The following SUGCT variants were observed in gnomAD, a reference collection of about 807,000 sequenced individuals.
The protein encoded by SUGCT is succinyl-CoA:glutarate-CoA transferase, also known as succinyl-CoA:glutarate CoA-transferase.
A neutral mutation model predicts 55.0 loss-of-function variants in SUGCT; 41 were observed. The observed-to-expected ratio is 0.74, with a 90% CI of 0.58 to 0.97. The LOEUF (loss-of-function observed/expected upper bound fraction) is 0.97. SUGCT is among the 50% of genes least tolerant of loss of function. The pLI is 0.00. For synonymous variants in SUGCT, 187 were observed against 200.4 expected (o/e 0.93, Z 0.56); for missense variants, 568 against 547.8 (o/e 1.04, Z -0.37).
intron 11 of SUGCT, among the ~76,000 whole-genome samples, chr7:40,484,531 T>A (rs1791228356): frequency 6.6e-6 from 1 of 152,112 alleles, no homozygotes; most frequent in East Asian, 1.9e-4. Context: ...TGTTAATATC[T>A]AATGAGTCTA....
At chr7:40,946,927 T>C in the SUGCT span, among the ~76,000 whole-genome samples, 1 of 152,252 alleles carries the variant, frequency 6.6e-6, no homozygotes. Flanking sequence ...TTGATTGTAA[T>C]GTCTTGATCT....
intron 12 of SUGCT, among the ~76,000 whole-genome samples, chr7:40,609,951 C>T (rs1208565804): frequency 3.3e-5 from 5 of 152,178 alleles, no homozygotes; most frequent in African/African-American, 1.2e-4. Context: ...AGCCACAAAG[C>T]TCAATTCAGT....
At chr7:40,186,053 A>T (rs1407261824) in intron 3 of SUGCT, among the ~76,000 whole-genome samples, 1 of 147,904 alleles carries the variant, frequency 6.8e-6, no homozygotes, top group Non-Finnish European at 1.5e-5. Flanking sequence ...ATTACATAAA[A>T]TTTGGTTGTT....
intron 13 of SUGCT, among the ~76,000 whole-genome samples, chr7:40,856,240 C>T (rs1459956517): frequency 6.6e-6 from 1 of 152,190 alleles, no homozygotes; most frequent in Non-Finnish European, 1.5e-5. Context: ...ATGATCCCTT[C>T]CATTCTTTTC....
chr7:40,328,252 T>A (rs995495124), intron 9 of SUGCT, among the ~76,000 whole-genome samples: 5 of 152,240 alleles, frequency 3.3e-5, no homozygotes, highest in African/African-American at 7.2e-5. Context: ...AGGTTGTACA[T>A]CTTTTGAATA....
chr7:40,734,087 C>T (rs1466107117), intron 12 of SUGCT, among the ~76,000 whole-genome samples: 1 of 152,200 alleles, frequency 6.6e-6, no homozygotes, highest in Admixed American at 6.5e-5. Context: ...GATTTAATTT[C>T]AGTAGAGTTT....
intron 12 of SUGCT, among the ~76,000 whole-genome samples, chr7:40,555,241 A>C (rs1795498751): frequency 6.6e-6 from 1 of 151,314 alleles, no homozygotes. Flanking sequence ...GGATGGGAGG[A>C]TGGTCAGCTC....
intron 12 of SUGCT, among the ~76,000 whole-genome samples, chr7:40,517,950 A>G (rs965414558): frequency 1.3e-5 from 2 of 152,134 alleles, no homozygotes; most frequent in Non-Finnish European, 2.9e-5. Flanking sequence ...AGGAAAAACT[A>G]TGGAGTCAGA....
intron 12 of SUGCT, among the ~76,000 whole-genome samples, chr7:40,553,681 A>G (rs1193971939): frequency 6.6e-6 from 1 of 152,210 alleles, no homozygotes; most frequent in East Asian, 1.9e-4. Context: ...TACCTCGTTT[A>G]CTAAGCTGCC....
the SUGCT span, among the ~76,000 whole-genome samples, chr7:40,930,017 T>C: frequency 2.0e-5 from 3 of 152,204 alleles, no homozygotes; most frequent in Non-Finnish European, 4.4e-5. Context: ...CTGAATGGTA[T>C]TGCCTAGGTT....
At chr7:41,013,378 G>T in the SUGCT span, among the ~76,000 whole-genome samples, 1 of 152,160 alleles carries the variant, frequency 6.6e-6, no homozygotes, top group African/African-American at 2.4e-5. Flanking sequence ...ATTCACAGAC[G>T]AACAAAAAAC....
chr7:40,407,998 A>G (rs1786473098), intron 9 of SUGCT, among the ~76,000 whole-genome samples: 1 of 152,094 alleles, frequency 6.6e-6, no homozygotes, highest in African/African-American at 2.4e-5. Flanking sequence ...AGCTTCTCCA[A>G]GTCATTCAGA....
intron 12 of SUGCT, among the ~76,000 whole-genome samples, chr7:40,608,266 A>C (rs977879424): frequency 1.1e-4 from 16 of 152,160 alleles, no homozygotes; most frequent in South Asian, 6.2e-4. Context: ...AGTGGGAAAA[A>C]TGAACACTAT....
intron 12 of SUGCT, among the ~76,000 whole-genome samples, chr7:40,693,862 C>A: frequency 6.6e-6 from 1 of 152,214 alleles, no homozygotes; most frequent in East Asian, 1.9e-4. Context: ...GAAGACACTT[C>A]TTTCAATCAC....
intron 12 of SUGCT, among the ~76,000 whole-genome samples, chr7:40,717,559 G>A (rs904771312): frequency 1.3e-4 from 20 of 152,194 alleles, no homozygotes; most frequent in African/African-American, 4.6e-4. Context: ...AAACACTTGT[G>A]GGGAAGGTTG....
the SUGCT span, among the ~76,000 whole-genome samples, chr7:41,004,804 GA>G: frequency 0.78 from 117,492 of 151,230 alleles, 46,759 homozygotes; most frequent in Non-Finnish European, 0.86. Context: ...TACCCTTGTG[GA>G]AAAAAAAAAA....
chr7:40,359,768 T>G (rs1348366402), intron 9 of SUGCT, among the ~76,000 whole-genome samples: 1 of 152,180 alleles, frequency 6.6e-6, no homozygotes, highest in African/African-American at 2.4e-5. Flanking sequence ...GGAGATTAAA[T>G]GAGACAACAT....
chr7:40,956,813 T>C, the SUGCT span, among the ~76,000 whole-genome samples: 1 of 152,206 alleles, frequency 6.6e-6, no homozygotes, highest in Non-Finnish European at 1.5e-5. Flanking sequence ...TTCTGGTACA[T>C]TGTGTCTTTG....
chr7:40,318,961 T>C (rs1304978220), intron 9 of SUGCT, among the ~76,000 whole-genome samples: 1 of 152,234 alleles, frequency 6.6e-6, no homozygotes, highest in Non-Finnish European at 1.5e-5. Flanking sequence ...GCACCCTGGG[T>C]ATGCCCTCAA....
Sources: gnomAD v4.1 joint callset for allele counts (sites outside exome capture counted in the v4.1 genomes callset) on GRCh38, gnomAD v4.1.1 for gene constraint, MANE v1.5 for transcripts, NCBI Gene and HGNC (gene_info 2026-07-23, HGNC 2026-07-21) for gene names.